The following SULT1E1 variants were observed in gnomAD, a reference collection of about 807,000 sequenced individuals.
SULT1E1 encodes sulfotransferase family 1E member 1.
A neutral mutation model predicts 33.6 loss-of-function variants in SULT1E1; 36 were observed. That is an observed-to-expected ratio of 1.07 (90% CI 0.82 to 1.41). The LOEUF (loss-of-function observed/expected upper bound fraction) is 1.41, where lower values mean the gene tolerates loss of function less well. Ranked by LOEUF, SULT1E1 falls within the 40% of genes most tolerant of loss-of-function variation. SULT1E1 has a pLI of 0.00. For synonymous variants in SULT1E1, 121 were observed against 111.7 expected, an observed-to-expected ratio of 1.08 and a Z score of -0.53; for missense variants, 371 against 345.7, an observed-to-expected ratio of 1.07 and a Z score of -0.58.
chr4:69,847,862 G>T, intron 5 of SULT1E1, 70 bp from the exon 6 acceptor site: 1 of 851,308 alleles, frequency 1.2e-6, no homozygotes, highest in South Asian at 1.5e-5. Flanking sequence ...TAGTGTTCAA[G>T]CAACAATAAC....
At chr4:69,840,881 C>T (rs1229149234), downstream of SULT1E1, among the ~76,000 whole-genome samples, 1 of 151,996 alleles carries the variant, frequency 6.6e-6, no homozygotes, top group Non-Finnish European at 1.5e-5. Context: ...CCCGTCTCTA[C>T]TAAAAATACA....
In SULT1E1 at chr4:69,848,235, A is replaced by T. The variant is rs1479053909; in HGVS notation, c.497-443T>A. 2.0e-5 allele frequency among the ~76,000 whole-genome samples: 3 copies of T among 151,676 alleles called. No individual in the cohort carries two copies. The South Asian group carries it at 6.2e-4, about 31-fold the overall frequency. On this transcript the variant is annotated intron_variant, in intron 5 of 7. Coordinates refer to ENST00000226444, the MANE Select transcript of SULT1E1 (RefSeq NM_005420.3). ...TTACAAACTAGGTTTGGCAACTAAA[A>T]CTAGTAACTATATGAGTATTTATTA... is the stretch of plus-strand genomic sequence containing the variant.
downstream of SULT1E1, among the ~76,000 whole-genome samples, chr4:69,839,709 C>T (rs767592578): frequency 7.9e-5 from 12 of 152,128 alleles, no homozygotes; most frequent in Admixed American, 3.9e-4. Context: ...CCACATGATG[C>T]CGTCCAAGGT....
the SULT1E1 span, among the ~76,000 whole-genome samples, chr4:69,829,625 T>A: frequency 3.3e-5 from 5 of 152,300 alleles, no homozygotes; most frequent in East Asian, 7.7e-4. Flanking sequence ...ATGTAATCTG[T>A]GCCTGCAGGT....
the SULT1E1 span, among the ~76,000 whole-genome samples, chr4:69,825,247 C>A: frequency 6.6e-6 from 1 of 152,078 alleles, no homozygotes; most frequent in African/African-American, 2.4e-5. Context: ...AGACCACGAA[C>A]CCACCAAAAA....
chr4:69,844,785 G>A (rs919767467), intron 6 of SULT1E1, among the ~76,000 whole-genome samples: 2 of 152,076 alleles, frequency 1.3e-5, no homozygotes, highest in Non-Finnish European at 2.9e-5. Context: ...GGTGTAAAAA[G>A]TCAAATACTC....
the SULT1E1 span, among the ~76,000 whole-genome samples, chr4:69,825,747 A>G: frequency 4.6e-5 from 7 of 151,812 alleles, no homozygotes; most frequent in African/African-American, 1.7e-4. Context: ...CATAAGCGAA[A>G]CTCTGAAAGT....
chr4:69,852,979 C>T (rs552513484), intron 4 of SULT1E1, among the ~76,000 whole-genome samples: 1 of 152,068 alleles, frequency 6.6e-6, no homozygotes, highest in Non-Finnish European at 1.5e-5. Flanking sequence ...TGAGACAGCC[C>T]TTATGCATGG....
chr4:69,850,930 G>A (rs1428844857), intron 4 of SULT1E1, among the ~76,000 whole-genome samples: 1 of 151,892 alleles, frequency 6.6e-6, no homozygotes, highest in Non-Finnish European at 1.5e-5. Flanking sequence ...TGTCCTCAAG[G>A]GAAATCTAGC....
chr4:69,841,483 G>C lies in SULT1E1; in HGVS notation c.*511C>G, dbSNP rs932020473. ...GTAATCCCAGTATTTTGGGAGGCTG[G>C]TGTGGGAAGATCACTTGAGCTCAAG... On this transcript the variant is annotated 3_prime_UTR_variant, in exon 8 of 8. Coordinates refer to ENST00000226444, the MANE Select transcript of SULT1E1 (RefSeq NM_005420.3). The C allele has an allele frequency of 6.6e-6, 1 of 152,602 alleles. No individual in the cohort carries two copies. The highest frequency in any genetic ancestry group is 1.5e-5 in the Non-Finnish European group (1 of 68,440). 9.5% of individuals were successfully genotyped at this position (152,602 alleles called of 1,614,324 possible).
chr4:69,842,268 T>A (rs1166913962), intron 7 of SULT1E1, among the ~76,000 whole-genome samples, 162 bp from the exon 8 acceptor site: 1 of 152,242 alleles, frequency 6.6e-6, no homozygotes, highest in African/African-American at 2.4e-5. Context: ...TTTTTGGGCT[T>A]ACAAAGATGG....
chr4:69,854,115 G>T, intron 4 of SULT1E1, 102 bp downstream of exon 4: 1 of 718,420 alleles, frequency 1.4e-6, no homozygotes, highest in Non-Finnish European at 2.3e-6. Context: ...AGTGTCTATA[G>T]ATTCAATGAA....
chr4:69,847,362 C>T lies in SULT1E1; in HGVS notation c.591+336G>A, dbSNP rs75106203. On this transcript the variant is annotated intron_variant, in intron 6 of 7. Transcript: ENST00000226444. ...TTGCAACATCTCTACATTTGCAGACCAGTTAATTGCTTGCCCATGTTGATT... is the reference window on the plus strand; with the variant it reads ...TTGCAACATCTCTACATTTGCAGACTAGTTAATTGCTTGCCCATGTTGATT... 2.2e-4 allele frequency among the ~76,000 whole-genome samples: 33 copies of T among 150,932 alleles called. No individual in the cohort carries two copies. In the East Asian group the frequency reaches 6.4e-3, roughly 29 times the overall value.
At chr4:69,828,432 C>T in the SULT1E1 span, among the ~76,000 whole-genome samples, 1 of 152,270 alleles carries the variant, frequency 6.6e-6, no homozygotes, top group East Asian at 1.9e-4. Flanking sequence ...GACATGCCAC[C>T]TCTAAGAGCT....
chr4:69,852,753 T>C (rs917238749), intron 4 of SULT1E1, among the ~76,000 whole-genome samples: 2 of 152,150 alleles, frequency 1.3e-5, no homozygotes, highest in African/African-American at 4.8e-5. Context: ...CATGAATCCC[T>C]CCAACTATCT....
chr4:69,851,223 T>C (rs1415167196), intron 4 of SULT1E1, among the ~76,000 whole-genome samples: 2 of 152,000 alleles, frequency 1.3e-5, no homozygotes, highest in African/African-American at 2.4e-5. Flanking sequence ...GCAATCTACT[T>C]ATCTGACAAA....
At chr4:69,825,915 C>T in the SULT1E1 span, among the ~76,000 whole-genome samples, 1 of 152,170 alleles carries the variant, frequency 6.6e-6, no homozygotes, top group Non-Finnish European at 1.5e-5. Flanking sequence ...TTTCTAGTTC[C>T]TCCTATAAGA....
chr4:69,853,632 C>T (rs1721171639), intron 4 of SULT1E1, among the ~76,000 whole-genome samples: 2 of 152,070 alleles, frequency 1.3e-5, no homozygotes, highest in South Asian at 2.1e-4. Context: ...TTTGTCTTGT[C>T]TGTTAACCTG....
rs749228355 is a variant in SULT1E1, at chr4:69,854,323, TA to T, written c.272-10del. 1.3e-6 allele frequency: 2 copies of T among 1,587,310 alleles called. No homozygotes were observed. The highest frequency in any genetic ancestry group is 1.7e-5 in the Admixed American group (1 of 58,388). ...ATCTAATTGTTTTACTCCTGATTTT[TA>T]AAAAAGTAAAGGTTAAGCAACTTCA... is the stretch of plus-strand genomic sequence containing the variant. On this transcript the variant is annotated splice_polypyrimidine_tract_variant and intron_variant, in intron 3 of 7. Transcript: ENST00000226444.
Sources: allele counts gnomAD v4.1 joint callset (sites outside exome capture counted in the v4.1 genomes callset), GRCh38; gene constraint gnomAD v4.1.1; transcripts MANE v1.5; gene names NCBI Gene and HGNC (gene_info 2026-07-23, HGNC 2026-07-21).